The following PPA2 variants were observed in gnomAD, a reference collection of about 807,000 sequenced individuals.
PPA2 encodes the protein inorganic pyrophosphatase 2.
Under a neutral mutation model 49.5 loss-of-function variants are expected in PPA2, and 48 were observed. The observed-to-expected ratio is 0.97, with a 90% CI of 0.77 to 1.23. PPA2 has a LOEUF of 1.23. Among genes scored for constraint, PPA2 ranks in the 50% most tolerant of loss-of-function variants. The pLI, the probability that PPA2 is intolerant of heterozygous loss-of-function variation, is 0.00. For synonymous variants in PPA2, 131 were observed against 139.9 expected (o/e 0.94, Z 0.45); for missense variants, 429 against 410.1 (o/e 1.05, Z -0.40).
At chr4:105,419,715 T>C (rs1723169122) in intron 7 of PPA2, among the ~76,000 whole-genome samples, 1 of 152,132 alleles carries the variant, frequency 6.6e-6, no homozygotes, top group Non-Finnish European at 1.5e-5. Flanking sequence ...CATATGTTAA[T>C]TAGGATCAAA....
intron 2 of PPA2, 53 bp from the exon 3 acceptor site, chr4:105,453,695 GGCACT>G: frequency 7.4e-7 from 1 of 1,356,630 alleles, no homozygotes; most frequent in Non-Finnish European, 1.0e-6. Context: ...AGTATACAGT[GGCACT>G]GCATAGCAAT....
chr4:105,408,756 TTAAGA>T (rs766673320), intron 7 of PPA2, among the ~76,000 whole-genome samples: 32 of 152,136 alleles, frequency 2.1e-4, no homozygotes, highest in Non-Finnish European at 4.0e-4. Flanking sequence ...ACACACCTAT[TTAAGA>T]TATTTTCAGA....
At chr4:105,468,036 C>G (rs1025388049) in intron 1 of PPA2, among the ~76,000 whole-genome samples, 1 of 152,326 alleles carries the variant, frequency 6.6e-6, no homozygotes, top group South Asian at 2.1e-4. Flanking sequence ...CAGCAATGGT[C>G]AGCAAACTCT....
chr4:105,396,591 A>G (rs927084816), intron 8 of PPA2, among the ~76,000 whole-genome samples: 15 of 152,202 alleles, frequency 9.9e-5, no homozygotes, highest in Non-Finnish European at 2.9e-5. Context: ...GGGTTGGCAA[A>G]CTAGGAACTA....
At chr4:105,433,186 T>C (rs868050183) in intron 6 of PPA2, among the ~76,000 whole-genome samples, 13 of 152,066 alleles carry the variant, frequency 8.5e-5, no homozygotes, top group African/African-American at 2.9e-4. Context: ...ATGAAGAATA[T>C]CCTAAAGGAT....
At chr4:105,444,632 A>G (rs1169103570) in intron 5 of PPA2, among the ~76,000 whole-genome samples, 1 of 152,324 alleles carries the variant, frequency 6.6e-6, no homozygotes, top group South Asian at 2.1e-4. Flanking sequence ...GGAAAACTAC[A>G]GAAGCTTCTT....
At chr4:105,377,585 G>A (rs1733309234) in intron 10 of PPA2, among the ~76,000 whole-genome samples, 1 of 152,040 alleles carries the variant, frequency 6.6e-6, no homozygotes, top group African/African-American at 2.4e-5. Context: ...TACATGTAAA[G>A]TCTGTAATTT....
chr4:105,460,636 G>A (rs1723049395), intron 1 of PPA2, among the ~76,000 whole-genome samples: 3 of 152,130 alleles, frequency 2.0e-5, no homozygotes, highest in Non-Finnish European at 4.4e-5. Context: ...CTATCATTGT[G>A]ATAGAAATGA....
chr4:105,410,214 C>T (rs113769812), intron 7 of PPA2, among the ~76,000 whole-genome samples: 5,283 of 152,194 alleles, frequency 0.035, 268 homozygotes, highest in African/African-American at 0.11. Context: ...TAGAGAACAC[C>T]TTAAATGACC....
intron 5 of PPA2, among the ~76,000 whole-genome samples, chr4:105,441,171 C>G (rs1724344068): frequency 6.6e-6 from 1 of 152,038 alleles, no homozygotes; most frequent in Non-Finnish European, 1.5e-5. Flanking sequence ...TATCAAGAAG[C>G]AGAAGTTCAA....
intron 10 of PPA2, among the ~76,000 whole-genome samples, chr4:105,380,934 T>G (rs2110368068): frequency 6.6e-6 from 1 of 152,208 alleles, no homozygotes; most frequent in Non-Finnish European, 1.5e-5. Context: ...GAGTAGTGAA[T>G]TATAGGCATC....
chr4:105,443,989 T>C (rs1724493567), intron 5 of PPA2, among the ~76,000 whole-genome samples: 1 of 152,210 alleles, frequency 6.6e-6, no homozygotes, highest in South Asian at 2.1e-4. Context: ...GCTTAACTTT[T>C]CTTTGACATA....
In PPA2 at chr4:105,369,679, G is replaced by A. The variant is rs756837991; in HGVS notation, c.*46C>T. On this transcript the variant is annotated 3_prime_UTR_variant, in exon 12 of 12. Transcript: ENST00000341695. ...GACCCCCTTGTCTCTAGCACTTGGA[G>A]TCCTTAGAGATGGGAATCTTGACAG... is the stretch of plus-strand genomic sequence containing the variant. 5.2e-6 allele frequency: 8 copies of A among 1,530,948 alleles called. No homozygotes were observed. The African/African-American group carries it at 1.1e-4, about 21-fold the overall frequency. 94.8% of individuals were successfully genotyped at this position (1,530,948 alleles called of 1,614,324 possible). A position where few individuals can be genotyped will look rare whatever the true frequency, so the allele number is the denominator to read the frequency against.
At chr4:105,429,700 C>A (rs1398433738) in intron 6 of PPA2, among the ~76,000 whole-genome samples, 3 of 152,070 alleles carry the variant, frequency 2.0e-5, no homozygotes, top group Non-Finnish European at 4.4e-5. Flanking sequence ...GAAAATAAAC[C>A]TGTATGTACC....
At chr4:105,394,945 C>A (rs2713867) in intron 9 of PPA2, among the ~76,000 whole-genome samples, 56,814 of 151,934 alleles carry the variant, frequency 0.37, 12,580 homozygotes, top group East Asian at 0.68. Context: ...TTAATTTTAG[C>A]CCACAAAGAA....
At chr4:105,428,209 T>C (rs1257117732) in intron 6 of PPA2, among the ~76,000 whole-genome samples, 1 of 152,066 alleles carries the variant, frequency 6.6e-6, no homozygotes, top group Admixed American at 6.5e-5. Context: ...GCAAGAAACG[T>C]GGAAAGGAAC....
At chr4:105,370,650 T>A in intron 11 of PPA2, 187 bp downstream of exon 11, 1 of 956,540 alleles carries the variant, frequency 1.0e-6, no homozygotes, top group Non-Finnish European at 1.2e-6. Context: ...GTTAAATGCA[T>A]TCTCCTTATT....
rs558558792 is a variant in PPA2 at position 105,464,300 on chromosome 4, T to C, written c.158-7555A>G. ...GTATGGGGCCTGTAGCCCCTTTGTTTTGGCCAATTTCTCCCATTTGGAATG... is the reference window on the plus strand; with the variant it reads ...GTATGGGGCCTGTAGCCCCTTTGTTCTGGCCAATTTCTCCCATTTGGAATG... On this transcript the variant is annotated intron_variant, in intron 1 of 11. Coordinates refer to ENST00000341695, the MANE Select transcript of PPA2 (RefSeq NM_176869.3). 3.8e-4 allele frequency among the ~76,000 whole-genome samples: 58 copies of C among 152,320 alleles called. 3 individuals are homozygous for C. The South Asian group carries it at 0.012, about 31-fold the overall frequency.
At chr4:105,371,434 A>T (rs1466623651) in intron 10 of PPA2, among the ~76,000 whole-genome samples, 2 of 152,212 alleles carry the variant, frequency 1.3e-5, no homozygotes, top group Non-Finnish European at 2.9e-5. Flanking sequence ...TCTATTTTCC[A>T]TAAGGAAGAA....
Sources: gnomAD v4.1 joint callset for allele counts (sites outside exome capture counted in the v4.1 genomes callset) on GRCh38, gnomAD v4.1.1 for gene constraint, MANE v1.5 for transcripts, NCBI Gene and HGNC (gene_info 2026-07-23, HGNC 2026-07-21) for gene names.